Variants in SLC35F1 observed in about 807,000 individuals in gnomAD.
SLC35F1 encodes solute carrier family 35 member F1, also known as chromosome 6 open reading frame 169.
SLC35F1 carries 14 observed loss-of-function variants against 48.7 expected under a neutral mutation model. The observed-to-expected ratio is 0.29, with a 90% CI of 0.19 to 0.45. SLC35F1 has a LOEUF of 0.45. Ranked by LOEUF, SLC35F1 falls within the 20% of genes least tolerant of loss-of-function variation. The pLI, the probability that SLC35F1 is intolerant of heterozygous loss-of-function variation, is 1.00. For synonymous variants in SLC35F1, 190 were observed against 202.2 expected, an observed-to-expected ratio of 0.94 and a Z score of 0.51; for missense variants, 404 against 500.0, an observed-to-expected ratio of 0.81 and a Z score of 1.83.
chr6:118,307,812 C>T (rs1222617664), intron 7 of SLC35F1, among the ~76,000 whole-genome samples: 2 of 152,182 alleles, frequency 1.3e-5, no homozygotes, highest in Admixed American at 6.5e-5. Context: ...AGGGTCTTAC[C>T]GTTACAGGCC....
chr6:118,234,288 T>C (rs1400627466), intron 2 of SLC35F1, among the ~76,000 whole-genome samples: 1 of 152,216 alleles, frequency 6.6e-6, no homozygotes, highest in Non-Finnish European at 1.5e-5. Context: ...TGACCCTTTG[T>C]TAAAGAATAC....
chr6:118,277,322 A>G (rs1775930087), intron 5 of SLC35F1, among the ~76,000 whole-genome samples, 172 bp from the exon 6 acceptor site: 1 of 152,206 alleles, frequency 6.6e-6, no homozygotes, highest in Admixed American at 6.5e-5. Flanking sequence ...TCAGGGATAA[A>G]CTGCACTCTG....
intron 2 of SLC35F1, among the ~76,000 whole-genome samples, chr6:118,159,822 G>C (rs909881351): frequency 2.6e-4 from 39 of 152,110 alleles, no homozygotes; most frequent in African/African-American, 9.4e-4. Flanking sequence ...GACAAAAATC[G>C]TGCTGCTTCC....
At chr6:118,006,653 T>A (rs1448220210) in intron 1 of SLC35F1, among the ~76,000 whole-genome samples, 1 of 152,076 alleles carries the variant, frequency 6.6e-6, no homozygotes, top group African/African-American at 2.4e-5. Flanking sequence ...ATAAATAAAG[T>A]GTGTGATTCC....
intron 1 of SLC35F1, among the ~76,000 whole-genome samples, chr6:117,920,171 T>C (rs964920677): frequency 8.5e-5 from 13 of 152,066 alleles, no homozygotes; most frequent in Admixed American, 7.9e-4. Context: ...GGCCCTGTCC[T>C]CCACAGATAG....
Position 118,066,807 on chromosome 6 carries a change from G to A in SLC35F1, c.174-87638G>A, listed in dbSNP as rs80330123. ...GTCACCCAGGCTGGAATGCAATGGC[G>A]CGATCTCGGCTAAGGCAGTAGTTCT... On this transcript the variant is annotated intron_variant, in intron 1 of 7. Transcript: ENST00000360388. Among the ~76,000 whole-genome samples, 606 of 147,406 alleles carry A rather than the reference G, an allele frequency of 4.1e-3. 11 individuals are homozygous for A. Among genetic ancestry groups the A allele is most frequent in the East Asian group, 0.035 (173 of 4,990 alleles).
chr6:117,939,849 T>G (rs1000323978), intron 1 of SLC35F1, among the ~76,000 whole-genome samples: 4 of 152,162 alleles, frequency 2.6e-5, no homozygotes, highest in Non-Finnish European at 5.9e-5. Flanking sequence ...GGTCATTGCA[T>G]CCTTGTTGCC....
chr6:118,084,026 A>G (rs541948153), intron 1 of SLC35F1, among the ~76,000 whole-genome samples: 1 of 152,208 alleles, frequency 6.6e-6, no homozygotes, highest in Non-Finnish European at 1.5e-5. Flanking sequence ...TTTAATTCTC[A>G]TAACAGCCAG....
intron 1 of SLC35F1, among the ~76,000 whole-genome samples, chr6:117,963,658 T>A (rs1742792868): frequency 6.6e-6 from 1 of 152,200 alleles, no homozygotes; most frequent in East Asian, 1.9e-4. Context: ...AAATCTTGAA[T>A]ACTTTATGTA....
intron 1 of SLC35F1, among the ~76,000 whole-genome samples, chr6:118,040,406 G>A (rs988945927): frequency 5.3e-5 from 8 of 152,118 alleles, no homozygotes; most frequent in African/African-American, 1.9e-4. Context: ...CATAATCAGC[G>A]AAAAGGGATG....
intron 1 of SLC35F1, among the ~76,000 whole-genome samples, chr6:117,982,686 A>T (rs75944331): frequency 6.6e-6 from 1 of 152,218 alleles, no homozygotes; most frequent in Non-Finnish European, 1.5e-5. Flanking sequence ...GCAGAATTGT[A>T]TGAACATTAT....
At chr6:117,930,911 A>T (rs1776091643) in intron 1 of SLC35F1, among the ~76,000 whole-genome samples, 2 of 152,242 alleles carry the variant, frequency 1.3e-5, no homozygotes, top group Admixed American at 1.3e-4. Context: ...CGGAAGGAAC[A>T]GGCACAGAAC....
chr6:118,106,273 T>C (rs1481826510), intron 1 of SLC35F1, among the ~76,000 whole-genome samples: 2 of 152,276 alleles, frequency 1.3e-5, no homozygotes, highest in African/African-American at 2.4e-5. Flanking sequence ...ATGAATTCTT[T>C]CTCTCTCATG....
chr6:118,190,123 G>C (rs550351564), intron 2 of SLC35F1, among the ~76,000 whole-genome samples: 3 of 152,150 alleles, frequency 2.0e-5, no homozygotes, highest in Non-Finnish European at 2.9e-5. Flanking sequence ...TTCATTTTGA[G>C]AGACTGACCA....
At chr6:117,958,402 T>G (rs1401674744) in intron 1 of SLC35F1, among the ~76,000 whole-genome samples, 1 of 152,208 alleles carries the variant, frequency 6.6e-6, no homozygotes, top group African/African-American at 2.4e-5. Flanking sequence ...CGGTGCATAA[T>G]GATATCCTAG....
chr6:118,310,060 T>G (rs1207242915), intron 7 of SLC35F1, among the ~76,000 whole-genome samples: 2 of 152,210 alleles, frequency 1.3e-5, no homozygotes, highest in African/African-American at 4.8e-5. Flanking sequence ...ATAGGATGTA[T>G]CCTTTCTCAG....
At chr6:118,062,924 GGTGA>G (rs1043488548) in intron 1 of SLC35F1, among the ~76,000 whole-genome samples, 40 of 152,060 alleles carry the variant, frequency 2.6e-4, no homozygotes, top group African/African-American at 8.7e-4. Context: ...TTTTTTAGGG[GGTGA>G]GTAATATTTG....
At chr6:117,993,068 T>G (rs1776940980) in intron 1 of SLC35F1, among the ~76,000 whole-genome samples, 1 of 152,192 alleles carries the variant, frequency 6.6e-6, no homozygotes, top group Non-Finnish European at 1.5e-5. Flanking sequence ...CTCTTCCTGC[T>G]CAGTCAGCCT....
intron 1 of SLC35F1, among the ~76,000 whole-genome samples, chr6:117,924,462 GTACATATATACATATGTATA>G (rs1228306457): frequency 1.8e-4 from 16 of 88,470 alleles, no homozygotes; most frequent in Non-Finnish European, 3.4e-4. Context: ...CTATATGTGT[GTACATATATACATATGTATA>G]TACGTATATA....
Sources: allele counts gnomAD v4.1 joint callset (sites outside exome capture counted in the v4.1 genomes callset), GRCh38; gene constraint gnomAD v4.1.1; transcripts MANE v1.5; gene names NCBI Gene and HGNC (gene_info 2026-07-23, HGNC 2026-07-21).